The following ERC1 variants were observed in gnomAD, a reference collection of about 807,000 sequenced individuals.
ERC1 encodes the protein RAB6 interacting protein 2.
Under a neutral mutation model 132.0 loss-of-function variants are expected in ERC1, and 56 were observed. The observed-to-expected ratio is 0.42, with a 90% CI of 0.34 to 0.53. The LOEUF is 0.53. ERC1 is among the 20% of genes least tolerant of loss of function. The pLI is 0.03. For synonymous variants in ERC1, 478 were observed against 476.1 expected (o/e 1.00, Z -0.05); for missense variants, 1,202 against 1,349.9 (o/e 0.89, Z 1.72).
chr12:1,284,082 G>GT (rs2078876342), intron 14 of ERC1, among the ~76,000 whole-genome samples: 1 of 151,840 alleles, frequency 6.6e-6, no homozygotes, highest in Non-Finnish European at 1.5e-5. Flanking sequence ...CCAGCCTCTG[G>GT]TAACCACCAT....
intron 14 of ERC1, among the ~76,000 whole-genome samples, chr12:1,286,917 T>C (rs891242996): frequency 9.2e-5 from 14 of 152,238 alleles, no homozygotes; most frequent in Non-Finnish European, 7.3e-5. Flanking sequence ...TTACGTGTTC[T>C]AGAACAGTAC....
chr12:1,466,696 A>G (rs765515903), intron 18 of ERC1, among the ~76,000 whole-genome samples: 3 of 152,218 alleles, frequency 2.0e-5, no homozygotes, highest in Non-Finnish European at 2.9e-5. Flanking sequence ...CTTAGGGGCC[A>G]TTCAGGGTCT....
chr12:1,060,795 G>A (rs372349783), intron 2 of ERC1, among the ~76,000 whole-genome samples: 146 of 151,048 alleles, frequency 9.7e-4, no homozygotes, highest in Middle Eastern at 3.4e-3. Flanking sequence ...GTGCGATCTC[G>A]GCTCACTGCA....
intron 15 of ERC1, among the ~76,000 whole-genome samples, chr12:1,359,546 C>T (rs916763013): frequency 5.9e-5 from 9 of 152,098 alleles, no homozygotes; most frequent in Non-Finnish European, 1.3e-4. Context: ...AAGAGAAAGG[C>T]GGAAGGCAGG....
intron 12 of ERC1, among the ~76,000 whole-genome samples, chr12:1,202,158 G>A (rs1366947187): frequency 1.3e-5 from 2 of 152,082 alleles, no homozygotes; most frequent in African/African-American, 4.8e-5. Flanking sequence ...CCTTTAAAAG[G>A]AGAGTAAGTT....
At chr12:1,400,385 G>GT (rs1037556741) in intron 16 of ERC1, among the ~76,000 whole-genome samples, 24 of 151,852 alleles carry the variant, frequency 1.6e-4, no homozygotes, top group Non-Finnish European at 2.9e-5. Flanking sequence ...TCACTTTCTT[G>GT]TTGATACTGT....
chr12:1,356,213 A>AGTGTGTGTGT (rs71055145), intron 15 of ERC1, among the ~76,000 whole-genome samples: 73 of 129,998 alleles, frequency 5.6e-4, no homozygotes, highest in African/African-American at 8.6e-4. Flanking sequence ...AAAAAAAAAA[A>AGTGTGTGTGT]GTGTGTGTGT....
At chr12:1,106,578 A>C (rs1002112051) in intron 4 of ERC1, among the ~76,000 whole-genome samples, 4 of 152,036 alleles carry the variant, frequency 2.6e-5, no homozygotes, top group African/African-American at 9.7e-5. Flanking sequence ...TTTACCAAAC[A>C]AATTCCGAAT....
intron 18 of ERC1, among the ~76,000 whole-genome samples, chr12:1,466,872 C>T (rs764272571): frequency 9.8e-5 from 15 of 152,312 alleles, no homozygotes; most frequent in Admixed American, 3.9e-4. Context: ...TATTCTTCTA[C>T]ACTGTATAAA....
intron 17 of ERC1, among the ~76,000 whole-genome samples, chr12:1,438,952 A>AT (rs1555093159): frequency 5.7e-4 from 66 of 114,998 alleles, no homozygotes; most frequent in Middle Eastern, 4.9e-3. Flanking sequence ...AATTTAAAAA[A>AT]AAATATATAT....
At chr12:1,151,666 A>G (rs1413106094) in intron 8 of ERC1, 1 of 152,258 alleles carries the variant, frequency 6.6e-6, no homozygotes, top group Non-Finnish European at 1.5e-5. Flanking sequence ...TATGTGAATT[A>G]TATCAACAGG....
intron 17 of ERC1, among the ~76,000 whole-genome samples, chr12:1,418,675 TTTCTTTCTTTC>T (rs2092291024): frequency 1.1e-3 from 82 of 75,876 alleles, no homozygotes; most frequent in African/African-American, 5.9e-3. Context: ...CTTTTCTTTC[TTTCTTTCTTTC>T]TTTCTTTCTT....
intron 12 of ERC1, among the ~76,000 whole-genome samples, chr12:1,190,890 A>ATT (rs59555156): frequency 0.032 from 4,683 of 148,534 alleles, 140 homozygotes; most frequent in African/African-American, 0.083. Flanking sequence ...CTTAAGAATA[A>ATT]TTTTTTTTTT....
intron 13 of ERC1, among the ~76,000 whole-genome samples, chr12:1,241,412 C>T (rs1320143441): frequency 1.3e-5 from 2 of 152,048 alleles, no homozygotes; most frequent in Non-Finnish European, 2.9e-5. Context: ...ATGATTGTTA[C>T]ATATTTTTTC....
At chr12:1,117,519 T>G (rs1946577152) in intron 7 of ERC1, among the ~76,000 whole-genome samples, 1 of 152,216 alleles carries the variant, frequency 6.6e-6, no homozygotes, top group Non-Finnish European at 1.5e-5. Context: ...AGGCTTTGGC[T>G]CTAGAGTCAT....
At chr12:1,121,881 GTGTCTCT>G (rs1593450538) in intron 7 of ERC1, among the ~76,000 whole-genome samples, 5 of 32,476 alleles carry the variant, frequency 1.5e-4, no homozygotes, top group Non-Finnish European at 1.9e-4. Flanking sequence ...ATCTCTATCT[GTGTCTCT>G]ATCTCTATCT....
At chr12:1,378,349 A>G (rs939320332) in intron 16 of ERC1, among the ~76,000 whole-genome samples, 4 of 152,208 alleles carry the variant, frequency 2.6e-5, no homozygotes, top group African/African-American at 9.6e-5. Context: ...TGCAGTATAC[A>G]TGAGTTGTTT....
At chr12:1,092,740 C>T (rs963445359) in intron 3 of ERC1, among the ~76,000 whole-genome samples, 2 of 152,202 alleles carry the variant, frequency 1.3e-5, no homozygotes, top group Non-Finnish European at 2.9e-5. Flanking sequence ...GCGGGCGGAT[C>T]GCCTGAGGCC....
intron 8 of ERC1, among the ~76,000 whole-genome samples, chr12:1,170,355 C>T (rs992380191): frequency 1.3e-5 from 2 of 151,862 alleles, no homozygotes; most frequent in African/African-American, 4.8e-5. Flanking sequence ...AAAATTAAGC[C>T]TCTTGTGCCT....
Sources: allele counts gnomAD v4.1 joint callset (sites outside exome capture counted in the v4.1 genomes callset), GRCh38; gene constraint gnomAD v4.1.1; transcripts MANE v1.5; gene names NCBI Gene and HGNC (gene_info 2026-07-23, HGNC 2026-07-21).